Variants in MAN1A1 observed in about 807,000 individuals in gnomAD.
The protein encoded by MAN1A1 is mannosidase alpha class 1A member 1.
Under a neutral mutation model 70.8 loss-of-function variants are expected in MAN1A1, and 29 were observed. The ratio of observed to expected loss-of-function variants is 0.41; its 90% CI spans 0.31 to 0.56. The LOEUF is 0.56. MAN1A1 is among the 20% of genes least tolerant of loss of function. The pLI, the probability that MAN1A1 is intolerant of heterozygous loss-of-function variation, is 0.29. For synonymous variants in MAN1A1, 349 were observed against 330.1 expected (o/e 1.06, Z -0.62); for missense variants, 747 against 841.3 (o/e 0.89, Z 1.39).
intron 5 of MAN1A1, among the ~76,000 whole-genome samples, chr6:119,259,840 A>G (rs1047951652): frequency 3.9e-5 from 6 of 152,306 alleles, no homozygotes; most frequent in Admixed American, 3.9e-4. Context: ...CCCCATGCCA[A>G]TATTAAATTT....
intron 6 of MAN1A1, among the ~76,000 whole-genome samples, chr6:119,213,481 A>G (rs890620253): frequency 7.2e-5 from 11 of 152,212 alleles, no homozygotes; most frequent in Admixed American, 7.2e-4. Context: ...AGCAATAAAG[A>G]TAGATAATCT....
intron 5 of MAN1A1, among the ~76,000 whole-genome samples, chr6:119,281,565 G>A (rs944837687): frequency 6.6e-6 from 1 of 152,166 alleles, no homozygotes; most frequent in Non-Finnish European, 1.5e-5. Flanking sequence ...GATGGCAGCT[G>A]CCCCAGCAGG....
intron 6 of MAN1A1, among the ~76,000 whole-genome samples, chr6:119,210,564 T>A (rs930489787): frequency 2.7e-4 from 41 of 152,320 alleles, no homozygotes; most frequent in East Asian, 5.8e-4. Context: ...TTTAAAAAAA[T>A]TTTCCAAGGA....
intron 6 of MAN1A1, among the ~76,000 whole-genome samples, chr6:119,225,229 TA>T (rs1562199926): frequency 6.6e-6 from 1 of 151,950 alleles, no homozygotes; most frequent in African/African-American, 2.4e-5. Context: ...AAATAACATT[TA>T]GGGGTCAAAG....
intron 2 of MAN1A1, among the ~76,000 whole-genome samples, chr6:119,316,328 G>A (rs1582797612): frequency 6.6e-6 from 1 of 151,876 alleles, no homozygotes; most frequent in Non-Finnish European, 1.5e-5. Flanking sequence ...CAGGTGCCTG[G>A]CTAATTTTTG....
intron 3 of MAN1A1, among the ~76,000 whole-genome samples, chr6:119,304,558 G>A (rs1772479003): frequency 6.6e-6 from 1 of 152,118 alleles, no homozygotes; most frequent in Non-Finnish European, 1.5e-5. Flanking sequence ...TCCTGCTTAA[G>A]ATGGAATTGG....
chr6:119,330,216 A>C (rs1389812568), intron 2 of MAN1A1, among the ~76,000 whole-genome samples: 1 of 152,092 alleles, frequency 6.6e-6, no homozygotes, highest in Non-Finnish European at 1.5e-5. Context: ...TGCTTGTTGT[A>C]TACATCCAAC....
intron 5 of MAN1A1, among the ~76,000 whole-genome samples, chr6:119,253,944 G>A (rs1394711799): frequency 6.6e-6 from 1 of 152,124 alleles, no homozygotes; most frequent in East Asian, 1.9e-4. Flanking sequence ...TGATACTTGA[G>A]TCAAATCATA....
chr6:119,190,590 A>G (rs1366431969), intron 9 of MAN1A1, among the ~76,000 whole-genome samples: 2 of 152,342 alleles, frequency 1.3e-5, no homozygotes, highest in African/African-American at 4.8e-5. Context: ...TATCATTTAC[A>G]TCTCCAAAGT....
chr6:119,290,606 C>CATATTTTACCAAAT, intron 5 of MAN1A1, 77 bp downstream of exon 5: 1 of 950,302 alleles, frequency 1.1e-6, no homozygotes, highest in Non-Finnish European at 1.6e-6. Flanking sequence ...AAATATATGT[C>CATATTTTACCAAAT]ACGAATGGCA....
At chr6:119,250,631 TC>T (rs1354673404) in intron 5 of MAN1A1, among the ~76,000 whole-genome samples, 5 of 130,250 alleles carry the variant, frequency 3.8e-5, no homozygotes, top group Non-Finnish European at 8.2e-5. Flanking sequence ...TTCAGACTCC[TC>T]TCTCTTGTTC....
At chr6:119,280,632 T>A (rs2114397573) in intron 5 of MAN1A1, among the ~76,000 whole-genome samples, 1 of 152,274 alleles carries the variant, frequency 6.6e-6, no homozygotes, top group African/African-American at 2.4e-5. Context: ...TATATACCCT[T>A]CTAAAGGAGA....
intron 5 of MAN1A1, among the ~76,000 whole-genome samples, chr6:119,252,299 C>T (rs967645393): frequency 6.6e-6 from 1 of 152,124 alleles, no homozygotes; most frequent in African/African-American, 2.4e-5. Flanking sequence ...GCATTTCTCG[C>T]TTTATTAATT....
chr6:119,201,217 C>T, intron 8 of MAN1A1, 37 bp downstream of exon 8: 2 of 1,464,988 alleles, frequency 1.4e-6, no homozygotes, highest in Non-Finnish European at 1.9e-6. Context: ...AGTACAGTAC[C>T]AAAAAGAGCT....
chr6:119,276,999 T>C (rs186042534), intron 5 of MAN1A1, among the ~76,000 whole-genome samples: 30 of 152,326 alleles, frequency 2.0e-4, no homozygotes, highest in African/African-American at 7.0e-4. Flanking sequence ...GCTCTGGAAT[T>C]TCCTTGTTTT....
At position 119,189,708 on chromosome 6, in the gene MAN1A1, C is replaced by A; in HGVS notation, c.1502G>T (p.Gly501Val). 1 of 1,613,980 alleles carries A rather than the reference C, an allele frequency of 6.2e-7. No homozygotes were observed. Among genetic ancestry groups the A allele is most frequent in the Non-Finnish European group, 8.5e-7 (1 of 1,180,004 alleles). The stretch of plus-strand genomic sequence containing the variant: ...ATGACAAGTACGGGCAATTTCAGCC[C>A]CGAGTTCAAGGTAGTGTTGGGCCAT... Reference protein sequence around the residue: ...EGMAQHYLELGAEIARTCHES... With the variant: ...EGMAQHYLELVAEIARTCHES... Residue 501 changes from glycine (G) to valine (V), a missense_variant, in exon 10 of 13, where the codon GGG becomes GTG. This residue lies in a region of MAN1A1 where 419 missense variants were observed against 548.2 expected (regional missense o/e 0.76). Transcript: ENST00000368468.
At chr6:119,303,331 A>G (rs1487815437) in intron 3 of MAN1A1, among the ~76,000 whole-genome samples, 1 of 152,162 alleles carries the variant, frequency 6.6e-6, no homozygotes, top group Admixed American at 6.5e-5. Flanking sequence ...TAAACTTAGA[A>G]CAAACAAGTC....
In MAN1A1 at chr6:119,177,822, T is replaced by A. The variant is rs772635673; in HGVS notation, c.*1997A>T. The A allele has an allele frequency of 1.3e-5, 2 of 152,098 alleles. No homozygotes were observed. Among genetic ancestry groups the A allele is most frequent in the Non-Finnish European group, 2.9e-5 (2 of 67,950 alleles). The allele number at this position is 152,098 out of a possible 1,614,324, so 9.4% of individuals were successfully genotyped here. On this transcript the variant is annotated 3_prime_UTR_variant, in exon 13 of 13. Coordinates refer to ENST00000368468, the MANE Select transcript of MAN1A1 (RefSeq NM_005907.4). ...TGCAGTGTGTACACACAACCTGATT[T>A]TAATATTCTATCTGCTGCAGAAATA...
Position 119,189,702 on chromosome 6 carries a change from T to G in MAN1A1, c.1508A>C (p.Glu503Ala). The G allele has an allele frequency of 6.2e-7, 1 of 1,614,068 alleles. No individual in the cohort carries two copies. Among genetic ancestry groups the G allele is most frequent in the African/African-American group, 1.3e-5 (1 of 75,002 alleles). Residue 503 changes from glutamate (E) to alanine (A), a missense_variant, in exon 10 of 13, where the codon GAA becomes GCA. By Grantham distance (107) the Glu-to-Ala change is moderately radical (BLOSUM62 -1). Transcript: ENST00000368468. Reference sequence around the variant, plus strand: ...TGATTCATGACAAGTACGGGCAATTTCAGCCCCGAGTTCAAGGTAGTGTTG... The same window carrying G: ...TGATTCATGACAAGTACGGGCAATTGCAGCCCCGAGTTCAAGGTAGTGTTG... ...MAQHYLELGA[E>A]IARTCHESYN...
Sources: allele counts gnomAD v4.1 joint callset (sites outside exome capture counted in the v4.1 genomes callset), GRCh38; gene constraint gnomAD v4.1.1; regional missense constraint gnomAD v4.1.1; transcripts MANE v1.5; gene names NCBI Gene and HGNC (gene_info 2026-07-23, HGNC 2026-07-21).